The following PHACTR4 variants were observed in gnomAD, a reference collection of about 807,000 sequenced individuals.
The protein encoded by PHACTR4 is phosphatase and actin regulator 4.
PHACTR4 carries 51 observed loss-of-function variants against 72.7 expected under a neutral mutation model. The ratio of observed to expected loss-of-function variants is 0.70; its 90% CI spans 0.56 to 0.89. The LOEUF (loss-of-function observed/expected upper bound fraction) is 0.89, where lower values mean the gene tolerates loss of function less well. PHACTR4 is among the 40% of genes least tolerant of loss of function. The pLI, the probability that PHACTR4 is intolerant of heterozygous loss-of-function variation, is 0.00. For synonymous variants in PHACTR4, 255 were observed against 302.5 expected (o/e 0.84, Z 1.63); for missense variants, 731 against 861.8 (o/e 0.85, Z 1.90).
chr1:28,487,718 TTTTTTGTTG>T (rs1391074594), intron 9 of PHACTR4, among the ~76,000 whole-genome samples: 1 of 117,816 alleles, frequency 8.5e-6, no homozygotes, highest in African/African-American at 3.7e-5. Context: ...CAAATTGTAG[TTTTTTGTTG>T]TTTTTTTTTT....
chr1:28,472,014 A>G (rs984649496), intron 6 of PHACTR4, among the ~76,000 whole-genome samples: 10 of 152,148 alleles, frequency 6.6e-5, no homozygotes, highest in Admixed American at 3.9e-4. Context: ...GATTGAGACC[A>G]TCCTGGCTAA....
At chr1:28,460,522 C>G (rs1363812181) in intron 4 of PHACTR4, among the ~76,000 whole-genome samples, 22 of 151,904 alleles carry the variant, frequency 1.4e-4, no homozygotes, top group Admixed American at 6.6e-5. Flanking sequence ...TTTTTTCCCC[C>G]CCTTGAGACA....
At position 28,460,274 on chromosome 1, in the gene PHACTR4, T is replaced by C. The variant is rs1441605570; in HGVS notation, c.253T>C (p.Leu85=). The C allele has an allele frequency of 3.7e-6, 6 of 1,613,588 alleles. No individual in the cohort carries two copies. Among genetic ancestry groups the C allele is most frequent in the Non-Finnish European group, 5.1e-6 (6 of 1,179,614 alleles). Residue 85 remains leucine (L), a synonymous_variant, in exon 4 of 14, where the codon TTG becomes CTG. Coordinates refer to ENST00000373839, the MANE Select transcript of PHACTR4 (RefSeq NM_001048183.3). ...REELVKRGVL[L]EDPEQGGEDP... is the part of the protein sequence containing the mutation. ...AGAGCTGGTTAAAAGAGGGGTTCTG[T>C]TGGAAGACCCTGAGCAAGGTGAGTT...
intron 1 of PHACTR4, among the ~76,000 whole-genome samples, chr1:28,397,870 TTG>T (rs1653634943): frequency 4.0e-5 from 6 of 151,414 alleles, no homozygotes; most frequent in Non-Finnish European, 8.8e-5. Flanking sequence ...TAATTTTTTG[TTG>T]TTGTTGTTGT....
At chr1:28,491,930 A>G (rs1324217427) in intron 12 of PHACTR4, 143 bp downstream of exon 12, 4 of 1,116,612 alleles carry the variant, frequency 3.6e-6, no homozygotes, top group Non-Finnish European at 1.2e-6. Flanking sequence ...AAGATACAAA[A>G]TGCCAAGTTG....
chr1:28,439,992 T>C (rs371702019), intron 2 of PHACTR4, among the ~76,000 whole-genome samples: 1 of 152,148 alleles, frequency 6.6e-6, no homozygotes, highest in Admixed American at 6.5e-5. Flanking sequence ...ATCTAAGATC[T>C]ATATACTGTA....
In PHACTR4 at chr1:28,459,223, A is replaced by C. The variant is rs563830647; in HGVS notation, c.155A>C (p.Lys52Thr). ...KIFKPWKWRK[K>T]KSSDKFKETS... ...TTCAAGCCCTGGAAATGGAGGAAAA[A>C]AAAAAGTAGTGATAAATTTAAAGAG... Residue 52 changes from lysine (K) to threonine (T), a missense_variant, in exon 3 of 14, where the codon AAA becomes ACA. Physicochemically the swap from Lys to Thr is moderately conservative, Grantham distance 78. Coordinates refer to ENST00000373839, the MANE Select transcript of PHACTR4 (RefSeq NM_001048183.3). The C allele has an allele frequency of 6.2e-7, 1 of 1,613,986 alleles. No homozygotes were observed. The highest frequency in any genetic ancestry group is 1.1e-5 in the South Asian group (1 of 91,084).
rs759630687 is a variant in PHACTR4 at position 28,480,603 on chromosome 1, C to T, written c.1759C>T (p.Arg587Trp). ...IRHQIGNTLIRRLSQRPTPEE... is the reference protein window; with the variant it reads ...IRHQIGNTLIWRLSQRPTPEE... ...GCACCAGATTGGAAACACACTGATC[C>T]GGTAGGCCTTTGCTTAGATTTGCTT... is the stretch of plus-strand genomic sequence containing the variant. Residue 587 changes from arginine (R) to tryptophan (W), a missense_variant and splice_region_variant, in exon 9 of 14, where the codon CGG becomes TGG. Physicochemically the swap from Arg to Trp is moderately radical, Grantham distance 101. This residue lies in a region of PHACTR4 where 110 missense variants were observed against 185.2 expected (regional missense o/e 0.59). Transcript: ENST00000373839. 40 of 1,613,844 alleles carry T rather than the reference C, an allele frequency of 2.5e-5. 2 individuals carry two copies. In the South Asian group the frequency reaches 3.3e-4, roughly 13 times the overall value.
In PHACTR4 at chr1:28,474,112, G is replaced by A. The variant is rs772833497; in HGVS notation, c.1382G>A (p.Arg461Gln). 24 of 1,613,768 alleles carry A rather than the reference G, an allele frequency of 1.5e-5. No homozygotes were observed. The Admixed American group carries it at 1.8e-4, about 12-fold the overall frequency. Residue 461 changes from arginine to glutamine, a missense_variant, in exon 7 of 14, where the codon CGG becomes CAG. Around this residue, in one of 2 missense-constraint regions of PHACTR4, gnomAD observed 621 missense variants for 676.6 expected, o/e 0.92. Transcript: ENST00000373839. ...TCTGAGGACAGCAGTACGCTGGGTC[G>A]GACCAGGTCTCTTCCCATCACTATT... is the stretch of plus-strand genomic sequence containing the variant. ...SFSEDSSTLG[R>Q]TRSLPITIEM...
At chr1:28,389,300 T>G (rs1030674841) in intron 1 of PHACTR4, among the ~76,000 whole-genome samples, 5 of 151,974 alleles carry the variant, frequency 3.3e-5, no homozygotes, top group African/African-American at 1.2e-4. Context: ...CACAATGAGA[T>G]ATTACCTCAC....
intron 13 of PHACTR4, among the ~76,000 whole-genome samples, chr1:28,496,238 A>T (rs1661350768): frequency 6.6e-6 from 1 of 151,334 alleles, no homozygotes; most frequent in Non-Finnish European, 1.5e-5. Context: ...TTGTATTTTT[A>T]GTAGAGACAG....
rs1373260119 is a variant in PHACTR4, at chr1:28,466,580, C to G, written c.635C>G (p.Thr212Ser). 6.2e-7 allele frequency: 1 copy of G among 1,614,172 alleles called. No homozygotes were observed. The highest frequency in any genetic ancestry group is 1.3e-5 in the African/African-American group (1 of 75,048). The change falls in exon 6 of 14, where the codon ACT (threonine) becomes AGT (serine). Residue 212 changes from threonine (T) to serine (S), a missense_variant. Physicochemically the swap from Thr to Ser is moderately conservative, Grantham distance 58. Around this residue, in one of 2 missense-constraint regions of PHACTR4, gnomAD observed 621 missense variants for 676.6 expected, o/e 0.92. Transcript: ENST00000373839. ...TSITTAPAAT[T>S]AATSLAKTVN... The stretch of plus-strand genomic sequence containing the variant: ...ATCACCACAGCACCCGCTGCCACCA[C>G]TGCTGCCACAAGCCTTGCAAAGACT...
chr1:28,375,744 A>G lies in PHACTR4; in HGVS notation c.-39+5919A>G, dbSNP rs907779314. Reference sequence around the variant, plus strand: ...AGAGAAGGGAATGGATGGATTCTTTATTCTGAGGGAGCTCTAAAGTCCTGT... The same window carrying G: ...AGAGAAGGGAATGGATGGATTCTTTGTTCTGAGGGAGCTCTAAAGTCCTGT... On this transcript the variant is annotated intron_variant, in intron 1 of 13. Transcript: ENST00000373839. Among the ~76,000 whole-genome samples the G allele has an allele frequency of 5.3e-5, 8 of 152,254 alleles. No individual in the cohort carries two copies. The East Asian group carries it at 1.4e-3, about 26-fold the overall frequency.
At chr1:28,417,304 A>G (rs1013326551) in intron 2 of PHACTR4, among the ~76,000 whole-genome samples, 3 of 152,200 alleles carry the variant, frequency 2.0e-5, no homozygotes, top group Non-Finnish European at 2.9e-5. Context: ...CTGAACCCCA[A>G]TATGTACTGT....
intron 4 of PHACTR4, among the ~76,000 whole-genome samples, chr1:28,465,474 G>A (rs1659090844): frequency 6.6e-6 from 1 of 152,058 alleles, no homozygotes; most frequent in Non-Finnish European, 1.5e-5. Flanking sequence ...ACTCTGGCCA[G>A]GCGCAGTGAT....
rs1007023525 is a variant in PHACTR4, at chr1:28,432,324, A to G, written c.16+24861A>G. 8.6e-5 allele frequency among the ~76,000 whole-genome samples: 13 copies of G among 150,686 alleles called. No individual in the cohort carries two copies. The East Asian group carries it at 2.6e-3, about 30-fold the overall frequency. On this transcript the variant is annotated intron_variant, in intron 2 of 13. Transcript: ENST00000373839. ...AGGTCGGGTGCAGTGGCTCATGCCT[A>G]TAATCCCAGCACTTTGGGAAGCTGA...
intron 1 of PHACTR4, among the ~76,000 whole-genome samples, chr1:28,378,272 C>T (rs1383750045): frequency 6.4e-5 from 9 of 141,296 alleles, no homozygotes; most frequent in Non-Finnish European, 9.0e-5. Flanking sequence ...GAGGCTGAGG[C>T]GGGTGGATCA....
At chr1:28,394,265 A>G (rs567189266) in intron 1 of PHACTR4, among the ~76,000 whole-genome samples, 1 of 151,302 alleles carries the variant, frequency 6.6e-6, no homozygotes, top group African/African-American at 2.4e-5. Flanking sequence ...AAAAAAAAAA[A>G]AAGAAAGAGG....
chr1:28,460,097 C>T, intron 3 of PHACTR4, 115 bp from the exon 4 acceptor site: 8 of 559,596 alleles, frequency 1.4e-5, no homozygotes, highest in South Asian at 6.5e-5. Context: ...ATTTTCTTTC[C>T]TGAGAATATA....
Sources: gnomAD v4.1 joint callset for allele counts (sites outside exome capture counted in the v4.1 genomes callset) on GRCh38, gnomAD v4.1.1 for gene constraint, gnomAD v4.1.1 regional missense constraint, MANE v1.5 for transcripts, NCBI Gene and HGNC (gene_info 2026-07-23, HGNC 2026-07-21) for gene names.